The following PTPRQ variants were observed in gnomAD, a reference collection of about 807,000 sequenced individuals.
PTPRQ encodes protein tyrosine phosphatase receptor type Q.
PTPRQ carries 199 observed loss-of-function variants against 246.0 expected under a neutral mutation model. The observed-to-expected ratio is 0.81, with a 90% CI of 0.72 to 0.91. The LOEUF is 0.91. PTPRQ is among the 40% of genes least tolerant of loss of function. PTPRQ has a pLI of 0.00. For missense variants in PTPRQ, 2,624 were observed against 2,528.4 expected (o/e 1.04, Z -0.81); for synonymous variants, 869 against 853.2 (o/e 1.02, Z -0.32).
chr12:80,481,407 C>T (rs1207224822), intron 8 of PTPRQ, among the ~76,000 whole-genome samples: 1 of 152,150 alleles, frequency 6.6e-6, no homozygotes, highest in Non-Finnish European at 1.5e-5. Flanking sequence ...GACAAACCCA[C>T]AGCCAATATC....
chr12:80,569,593 A>T (rs1439916360), intron 25 of PTPRQ, among the ~76,000 whole-genome samples: 2 of 146,594 alleles, frequency 1.4e-5, no homozygotes, highest in East Asian at 4.0e-4. Context: ...AAAAAATTTG[A>T]TTTTTTTTTT....
At chr12:80,564,513 T>C (rs1896923148) in intron 25 of PTPRQ, among the ~76,000 whole-genome samples, 1 of 152,222 alleles carries the variant, frequency 6.6e-6, no homozygotes, top group African/African-American at 2.4e-5. Context: ...AGGATACTTT[T>C]TATCCATCTA....
chr12:80,459,632 T>C (rs1287019473), intron 5 of PTPRQ, 149 bp downstream of exon 5: 1 of 394,188 alleles, frequency 2.5e-6, no homozygotes, highest in Non-Finnish European at 4.5e-6. Context: ...CGTTTTATTA[T>C]TTGATTACTT....
At chr12:80,606,494 C>G (rs1033531495) in intron 27 of PTPRQ, among the ~76,000 whole-genome samples, 2 of 150,910 alleles carry the variant, frequency 1.3e-5, no homozygotes, top group Non-Finnish European at 3.0e-5. Flanking sequence ...TAATGCAGAA[C>G]TGTTAGCCAG....
intron 17 of PTPRQ, among the ~76,000 whole-genome samples, chr12:80,522,992 G>T (rs994220537): frequency 2.6e-5 from 4 of 151,970 alleles, no homozygotes; most frequent in African/African-American, 9.7e-5. Context: ...TTTTCTGGTC[G>T]TGGACTTTTT....
At chr12:80,539,270 A>C (rs1896078209) in intron 19 of PTPRQ, among the ~76,000 whole-genome samples, 1 of 152,122 alleles carries the variant, frequency 6.6e-6, no homozygotes, top group African/African-American at 2.4e-5. Context: ...AAAGTCTGAA[A>C]AGAAATGTGA....
chr12:80,654,230 G>A (rs1056634456), intron 38 of PTPRQ, among the ~76,000 whole-genome samples: 2 of 152,128 alleles, frequency 1.3e-5, no homozygotes, highest in Non-Finnish European at 2.9e-5. Flanking sequence ...AAGTAGCTGG[G>A]ATTACAGGCA....
intron 28 of PTPRQ, among the ~76,000 whole-genome samples, chr12:80,613,258 T>C (rs1898621564): frequency 1.3e-5 from 2 of 150,642 alleles, no homozygotes; most frequent in Non-Finnish European, 3.0e-5. Context: ...CCACTTCTTT[T>C]GACTCTAAAT....
At chr12:80,445,009 C>T (rs1370788371) in intron 2 of PTPRQ, among the ~76,000 whole-genome samples, 160 bp downstream of exon 2, 5 of 151,838 alleles carry the variant, frequency 3.3e-5, no homozygotes, top group Admixed American at 2.6e-4. Flanking sequence ...TTAGAACCTG[C>T]ATTCTGCTGT....
intron 42 of PTPRQ, among the ~76,000 whole-genome samples, chr12:80,672,238 T>C (rs944705744): frequency 6.6e-6 from 1 of 151,832 alleles, no homozygotes. Flanking sequence ...CATTGTTCAC[T>C]GCTATGATCC....
chr12:80,659,465 A>T (rs1900556109), intron 39 of PTPRQ, among the ~76,000 whole-genome samples: 1 of 152,124 alleles, frequency 6.6e-6, no homozygotes, highest in African/African-American at 2.4e-5. Context: ...TGACCTATTG[A>T]TTTGTATCAT....
Position 80,588,432 on chromosome 12 carries a change from C to G in PTPRQ, c.4589C>G (p.Ser1530Cys). The stretch of plus-strand genomic sequence containing the variant: ...TATGGCAATGCTTCAAACTGGATTT[C>G]TACAAAAACTCTGCCTGGCCGTGAG... ...AGYGNASNWI[S>C]TKTLPGPPDG... The change falls in exon 26 of 45, where the codon TCT becomes TGT. Residue 1530 changes from serine (S) to cysteine (C), a missense_variant. Transcript: ENST00000644991. 1 of 1,486,830 alleles carries G rather than the reference C, an allele frequency of 6.7e-7. No homozygotes were observed. Among genetic ancestry groups the G allele is most frequent in the Non-Finnish European group, 8.9e-7 (1 of 1,117,636 alleles). 92.1% of individuals were successfully genotyped at this position (1,486,830 alleles called of 1,614,324 possible).
Position 80,454,478 on chromosome 12 carries a change from G to T in PTPRQ, c.391-3097G>T, listed in dbSNP as rs138095498. On this transcript the variant is annotated intron_variant, in intron 3 of 44. Transcript: ENST00000644991. ...TTTTATTTCTTTCTCTTGCTTGATC[G>T]CTCTGGCTAGGCCTTCCAGTACTGT... 78 of 701,820 alleles carry T rather than the reference G, an allele frequency of 1.1e-4. No homozygotes were observed. The South Asian group carries it at 1.1e-3, about 10-fold the overall frequency. The allele number at this position is 701,820 out of a possible 1,614,324, so 43.5% of individuals were successfully genotyped here. A position where few individuals can be genotyped will look rare whatever the true frequency, so the allele number is the denominator to read the frequency against.
chr12:80,478,285 G>C (rs1315010318), intron 8 of PTPRQ, among the ~76,000 whole-genome samples: 2 of 151,788 alleles, frequency 1.3e-5, no homozygotes, highest in Non-Finnish European at 2.9e-5. Context: ...CACCTCACAT[G>C]GCCAGGTACT....
chr12:80,451,122 G>A (rs200122920), intron 3 of PTPRQ, among the ~76,000 whole-genome samples: 1 of 152,158 alleles, frequency 6.6e-6, no homozygotes, highest in Non-Finnish European at 1.5e-5. Flanking sequence ...TGTATGTGTC[G>A]AGGAATTTAT....
intron 9 of PTPRQ, among the ~76,000 whole-genome samples, 186 bp from the exon 10 acceptor site, chr12:80,493,089 A>G (rs1894499577): frequency 6.6e-6 from 1 of 152,020 alleles, no homozygotes; most frequent in Non-Finnish European, 1.5e-5. Context: ...AATGTGTTAC[A>G]ATGATTCAGG....
At chr12:80,496,840 G>A (rs571662025) in intron 14 of PTPRQ, among the ~76,000 whole-genome samples, 8 of 151,938 alleles carry the variant, frequency 5.3e-5, no homozygotes, top group Non-Finnish European at 1.2e-4. Context: ...ACTTGCTTTC[G>A]AGTTAGGTAA....
At chr12:80,480,221 A>T in intron 8 of PTPRQ, among the ~76,000 whole-genome samples, 1 of 152,100 alleles carries the variant, frequency 6.6e-6, no homozygotes. Flanking sequence ...TAAGAATCTC[A>T]CTCAAAACTG....
At chr12:80,532,025 G>T (rs1159078279) in intron 17 of PTPRQ, among the ~76,000 whole-genome samples, 1 of 151,580 alleles carries the variant, frequency 6.6e-6, no homozygotes, top group Non-Finnish European at 1.5e-5. Flanking sequence ...ATTATCTATG[G>T]AACATAATCT....
Sources: gnomAD v4.1 joint callset for allele counts (sites outside exome capture counted in the v4.1 genomes callset) on GRCh38, gnomAD v4.1.1 for gene constraint, MANE v1.5 for transcripts, NCBI Gene and HGNC (gene_info 2026-07-23, HGNC 2026-07-21) for gene names.